The following LTBP1 variants were observed in gnomAD, a reference collection of about 807,000 sequenced individuals.
LTBP1 encodes latent-transforming growth factor beta-binding protein 1.
Under a neutral mutation model 207.6 loss-of-function variants are expected in LTBP1, and 129 were observed. The ratio of observed to expected loss-of-function variants is 0.62; its 90% CI spans 0.54 to 0.72. LTBP1 has a LOEUF of 0.72. Among genes scored for constraint, LTBP1 ranks in the 30% least tolerant of loss-of-function variants. The probability of loss-of-function intolerance (pLI) is 0.00; values close to 1 mark genes in which losing one functional copy is unlikely to be tolerated. For synonymous variants in LTBP1, 963 were observed against 833.7 expected (o/e 1.16, Z -2.67); for missense variants, 2,281 against 2,217.2 (o/e 1.03, Z -0.58).
At chr2:33,346,888 G>T (rs900229385) in intron 25 of LTBP1, among the ~76,000 whole-genome samples, 4 of 151,940 alleles carry the variant, frequency 2.6e-5, no homozygotes, top group Admixed American at 1.3e-4. Context: ...AGGCCGAGGT[G>T]GGCGGATCAC....
chr2:33,278,506 T>C lies in LTBP1; in HGVS notation c.2993-1533T>C, dbSNP rs187962544. 5.9e-5 allele frequency among the ~76,000 whole-genome samples: 9 copies of C among 152,358 alleles called. No individual in the cohort carries two copies. The East Asian group carries it at 1.3e-3, about 23-fold the overall frequency. ...ATAGCACCAGTCTCCAAGGAGTCTA[T>C]TGTAGTTTACAGACATTATCTCATG... is the stretch of plus-strand genomic sequence containing the variant. On this transcript the variant is annotated intron_variant, in intron 18 of 33. Transcript: ENST00000404816.
intron 20 of LTBP1, among the ~76,000 whole-genome samples, chr2:33,298,596 G>A (rs1216266486): frequency 6.6e-6 from 1 of 152,170 alleles, no homozygotes; most frequent in Non-Finnish European, 1.5e-5. Flanking sequence ...TAGTGACGTA[G>A]GCTGATCTTT....
At chr2:33,127,647 C>A (rs1354675679) in intron 4 of LTBP1, among the ~76,000 whole-genome samples, 6 of 152,144 alleles carry the variant, frequency 3.9e-5, no homozygotes, top group Admixed American at 3.9e-4. Context: ...AGACTATTTT[C>A]TTTGGCCTGA....
intron 11 of LTBP1, among the ~76,000 whole-genome samples, chr2:33,254,940 A>G (rs1278404643): frequency 2.1e-5 from 2 of 97,162 alleles, no homozygotes; most frequent in Non-Finnish European, 4.0e-5. Flanking sequence ...ATTTTTTTTT[A>G]TTATACTTTA....
intron 8 of LTBP1, among the ~76,000 whole-genome samples, chr2:33,219,406 G>C (rs758434505): frequency 2.0e-5 from 3 of 152,142 alleles, no homozygotes; most frequent in Non-Finnish European, 2.9e-5. Context: ...TGATGCATTT[G>C]GTTTGATTTA....
intron 4 of LTBP1, among the ~76,000 whole-genome samples, chr2:33,114,558 C>A (rs762452387): frequency 6.6e-6 from 1 of 152,122 alleles, no homozygotes; most frequent in Non-Finnish European, 1.5e-5. Context: ...TCTCAGTGTC[C>A]CCACCAACCC....
Position 33,134,722 on chromosome 2 carries a change from C to A in LTBP1, c.1034-71C>A, listed in dbSNP as rs772083587. The A allele has an allele frequency of 1.2e-6, 2 of 1,609,168 alleles. No individual in the cohort carries two copies. Among genetic ancestry groups the A allele is most frequent in the East Asian group, 4.5e-5 (2 of 44,862 alleles). On this transcript the variant is annotated intron_variant, in intron 4 of 33. Coordinates refer to ENST00000404816, the MANE Select transcript of LTBP1 (RefSeq NM_206943.4). This position sits in a 1 kb window ranked among gnomAD's most constrained non-coding sequence, Gnocchi z 4.4. ...TTTCTTTTTTTCTGTTTTTTTAAAC[C>A]TTCCAAGGCAAGTTCATGGATACTA... is the stretch of plus-strand genomic sequence containing the variant.
chr2:33,381,528 C>T (rs552601909), intron 31 of LTBP1, among the ~76,000 whole-genome samples: 1 of 152,302 alleles, frequency 6.6e-6, no homozygotes, highest in East Asian at 1.9e-4. Context: ...GACTTCATTA[C>T]TTCCCTGTCC....
intron 3 of LTBP1, among the ~76,000 whole-genome samples, chr2:33,042,948 C>G (rs2076261065): frequency 6.6e-6 from 1 of 152,190 alleles, no homozygotes. Context: ...AAAAAACAGC[C>G]AGGCCTATGG....
At chr2:33,055,932 G>A (rs924957665) in intron 3 of LTBP1, among the ~76,000 whole-genome samples, 1 of 152,112 alleles carries the variant, frequency 6.6e-6, no homozygotes, top group Non-Finnish European at 1.5e-5. Flanking sequence ...TAATAGGAAG[G>A]GGAGCTATAG....
intron 9 of LTBP1, among the ~76,000 whole-genome samples, chr2:33,226,428 C>G (rs2091440982): frequency 6.6e-6 from 1 of 152,156 alleles, no homozygotes; most frequent in Non-Finnish European, 1.5e-5. Context: ...CAAGGCTGAG[C>G]CAGCAGTGAA....
chr2:33,162,732 A>G (rs2084573672), intron 5 of LTBP1, among the ~76,000 whole-genome samples: 1 of 152,214 alleles, frequency 6.6e-6, no homozygotes, highest in South Asian at 2.1e-4. Context: ...GGGATTAATG[A>G]CATAATTTAT....
intron 3 of LTBP1, among the ~76,000 whole-genome samples, chr2:33,101,474 C>T (rs1037853863): frequency 2.0e-5 from 3 of 152,246 alleles, no homozygotes; most frequent in South Asian, 2.1e-4. Flanking sequence ...TCATCCTTAT[C>T]GTTTCTGCAT....
chr2:33,065,388 T>A (rs2077460446), intron 3 of LTBP1, among the ~76,000 whole-genome samples: 1 of 152,052 alleles, frequency 6.6e-6, no homozygotes, highest in African/African-American at 2.4e-5. Context: ...ACTCCATCTC[T>A]ACAAAAAATA....
At chr2:33,387,301 C>G (rs1331499153) in intron 31 of LTBP1, among the ~76,000 whole-genome samples, 2 of 152,242 alleles carry the variant, frequency 1.3e-5, no homozygotes, top group African/African-American at 4.8e-5. Flanking sequence ...CTTGCTCTCG[C>G]AAAGAAATCC....
At chr2:33,203,140 G>A (rs1267211453) in intron 7 of LTBP1, among the ~76,000 whole-genome samples, 1 of 152,232 alleles carries the variant, frequency 6.6e-6, no homozygotes, top group East Asian at 1.9e-4. Context: ...GTCAACAGCT[G>A]AAGGTATCAC....
chr2:33,164,163 A>G (rs1000602962), intron 5 of LTBP1, among the ~76,000 whole-genome samples: 2 of 151,840 alleles, frequency 1.3e-5, no homozygotes, highest in East Asian at 1.9e-4. Flanking sequence ...AGCCTGGCCA[A>G]CATGGTGAAA....
chr2:33,010,926 G>T (rs1163117152), intron 2 of LTBP1, among the ~76,000 whole-genome samples: 1 of 151,966 alleles, frequency 6.6e-6, no homozygotes, highest in Non-Finnish European at 1.5e-5. Flanking sequence ...CACCATGTTG[G>T]CCAGGATGGT....
At chr2:33,327,247 C>A (rs999648769) in intron 24 of LTBP1, among the ~76,000 whole-genome samples, 1 of 152,148 alleles carries the variant, frequency 6.6e-6, no homozygotes, top group Non-Finnish European at 1.5e-5. Context: ...ATCTTTTGAA[C>A]ATGAAATAGG....
Sources: gnomAD v4.1 joint callset for allele counts (sites outside exome capture counted in the v4.1 genomes callset) on GRCh38, gnomAD v4.1.1 for gene constraint, Gnocchi (gnomAD v3.1) non-coding constraint, MANE v1.5 for transcripts, NCBI Gene and HGNC (gene_info 2026-07-23, HGNC 2026-07-21) for gene names.